The following COL6A6 variants were observed in gnomAD, a reference collection of about 807,000 sequenced individuals.
COL6A6 encodes the protein collagen alpha-6(VI) chain.
Under a neutral mutation model 208.6 loss-of-function variants are expected in COL6A6, and 183 were observed. The ratio of observed to expected loss-of-function variants is 0.88; its 90% confidence interval spans 0.78 to 0.99. The LOEUF is 0.99. Ranked by LOEUF, COL6A6 falls within the 50% of genes least tolerant of loss-of-function variation. COL6A6 has a pLI of 0.00. For missense variants in COL6A6, 2,816 were observed against 2,815.2 expected (o/e 1.00, Z -0.01); for synonymous variants, 973 against 1,011.8 (o/e 0.96, Z 0.73).
At chr3:130,635,078 T>C (rs150642759) in intron 27 of COL6A6, among the ~76,000 whole-genome samples, 1,854 of 151,840 alleles carry the variant, frequency 0.012, 28 homozygotes, top group Middle Eastern at 0.088. Context: ...CTACGAAAAA[T>C]ACAAAAATTA....
At chr3:130,655,425 C>T (rs765453497) in intron 33 of COL6A6, among the ~76,000 whole-genome samples, 13 of 152,138 alleles carry the variant, frequency 8.5e-5, no homozygotes, top group Non-Finnish European at 1.8e-4. Context: ...TAATTGGATG[C>T]AATCCTATTA....
In COL6A6 at chr3:130,582,060, G is replaced by A. The variant is rs760699998; in HGVS notation, c.3962G>A (p.Arg1321Lys). 32 of 1,589,840 alleles carry A rather than the reference G, an allele frequency of 2.0e-5. No individual in the cohort carries two copies. The highest frequency in any genetic ancestry group is 2.6e-5 in the Non-Finnish European group (30 of 1,162,652). Residue 1321 changes from arginine to lysine, a missense_variant, in exon 10 of 37, where the codon AGA becomes AAA. Physicochemically the swap from Arg to Lys is conservative, Grantham distance 26 (BLOSUM62 2). Transcript: ENST00000358511. ...EKLEQKSDELRKEGLNALITV... is the reference protein window; with the variant it reads ...EKLEQKSDELKKEGLNALITV... ...CTTGAACAAAAATCTGATGAACTTAGAAAAGAAGGTACTGAGTATGGAGAA... is the reference window on the plus strand; with the variant it reads ...CTTGAACAAAAATCTGATGAACTTAAAAAAGAAGGTACTGAGTATGGAGAA...
intron 33 of COL6A6, among the ~76,000 whole-genome samples, chr3:130,655,985 A>G (rs1158236427): frequency 6.6e-6 from 1 of 152,196 alleles, no homozygotes; most frequent in African/African-American, 2.4e-5. Context: ...CTGTGGCTGG[A>G]CCAGGTGTAC....
At chr3:130,589,263 A>G in intron 12 of COL6A6, 81 bp downstream of exon 12, 1 of 900,612 alleles carries the variant, frequency 1.1e-6, no homozygotes, top group East Asian at 2.6e-5. Flanking sequence ...ATAAGGGGTG[A>G]TTTTTAACTT....
chr3:130,547,151 G>A (rs1023547018), intron 1 of COL6A6, among the ~76,000 whole-genome samples: 16 of 152,264 alleles, frequency 1.1e-4, no homozygotes, highest in African/African-American at 3.9e-4. Flanking sequence ...CCACGAGGCA[G>A]CCGACTGCGG....
chr3:130,560,468 GA>G, intron 2 of COL6A6, 40 bp downstream of exon 2: 2 of 1,530,782 alleles, frequency 1.3e-6, no homozygotes, highest in Non-Finnish European at 1.8e-6. Flanking sequence ...TTTGATTATA[GA>G]AAATAGATAA....
rs1441105097 is a variant in COL6A6 at position 130,593,120 on chromosome 3, T to C, written c.4416+15T>C. 1.9e-6 allele frequency: 3 copies of C among 1,613,034 alleles called. No homozygotes were observed. The highest frequency in any genetic ancestry group is 2.5e-6 in the Non-Finnish European group (3 of 1,179,140). On this transcript the variant is annotated intron_variant, in intron 16 of 36. Transcript: ENST00000358511. ...ACGGAGAACAGGTAGAGCCTTCTTG[T>C]ACCATAGAGACCCTTCTGAGCTATT...
chr3:130,649,758 CTAT>C (rs111457529), intron 33 of COL6A6, among the ~76,000 whole-genome samples, 196 bp downstream of exon 33: 27,889 of 152,044 alleles, frequency 0.18, 2,950 homozygotes, highest in South Asian at 0.36. Flanking sequence ...GGGATAATGT[CTAT>C]TATTTACCTG....
At chr3:130,527,659 T>C (rs1181638765) in intron 1 of COL6A6, among the ~76,000 whole-genome samples, 2 of 152,244 alleles carry the variant, frequency 1.3e-5, no homozygotes, top group Non-Finnish European at 2.9e-5. Flanking sequence ...TATGGATATT[T>C]CATTTAATGA....
intron 1 of COL6A6, among the ~76,000 whole-genome samples, chr3:130,545,354 T>C (rs2062465095): frequency 6.6e-6 from 1 of 152,174 alleles, no homozygotes; most frequent in Non-Finnish European, 1.5e-5. Context: ...AAACTTTAAA[T>C]ATTTTATTCA....
chr3:130,536,535 T>C (rs6779200), intron 1 of COL6A6, among the ~76,000 whole-genome samples: 9,994 of 152,076 alleles, frequency 0.066, 1,108 homozygotes, highest in African/African-American at 0.23. Context: ...AGTAGACGGG[T>C]AGAGAAGGGG....
intron 9 of COL6A6, 40 bp from the exon 10 acceptor site, chr3:130,581,950 C>G (rs370478700): frequency 2.5e-6 from 4 of 1,582,898 alleles, no homozygotes; most frequent in Non-Finnish European, 3.5e-6. Context: ...TGCAATGAAC[C>G]CTTTTTAATT....
chr3:130,667,813 G>C (rs1231568903), intron 36 of COL6A6, among the ~76,000 whole-genome samples: 1 of 151,954 alleles, frequency 6.6e-6, no homozygotes, highest in Non-Finnish European at 1.5e-5. Context: ...GTCACAGGGA[G>C]ATAGATGGAG....
chr3:130,578,793 C>G (rs1251021233), intron 8 of COL6A6, among the ~76,000 whole-genome samples: 1 of 152,158 alleles, frequency 6.6e-6, no homozygotes, highest in Non-Finnish European at 1.5e-5. Context: ...CAGGGCCTCC[C>G]TAAGTTCACG....
intron 2 of COL6A6, among the ~76,000 whole-genome samples, chr3:130,562,278 G>T (rs147856056): frequency 3.3e-5 from 5 of 152,210 alleles, no homozygotes; most frequent in African/African-American, 1.2e-4. Flanking sequence ...AAGCTTTAAA[G>T]GTTAAGCAAA....
chr3:130,612,410 TTC>T (rs1283818575), intron 23 of COL6A6, among the ~76,000 whole-genome samples: 1 of 152,230 alleles, frequency 6.6e-6, no homozygotes, highest in Non-Finnish European at 1.5e-5. Flanking sequence ...TGTGCAAATG[TTC>T]TCTTTTCTCT....
intron 1 of COL6A6, among the ~76,000 whole-genome samples, chr3:130,525,446 A>G (rs946458153): frequency 2.4e-4 from 36 of 152,218 alleles, no homozygotes; most frequent in Admixed American, 9.8e-4. Context: ...AATTGACTTT[A>G]GTAAATATTT....
chr3:130,560,264 T>G (rs891254367), intron 1 of COL6A6, 70 bp from the exon 2 acceptor site: 2 of 906,850 alleles, frequency 2.2e-6, no homozygotes, highest in Admixed American at 5.2e-5. Flanking sequence ...TAATTTTGTA[T>G]GCTCTTGTAT....
Position 130,658,846 on chromosome 3 carries a change from G to A in COL6A6, c.5830+74G>A. The A allele has an allele frequency of 3.8e-6, 4 of 1,052,796 alleles. No individual in the cohort carries two copies. In the South Asian group the frequency reaches 5.4e-5, roughly 14 times the overall value. 65.2% of individuals were successfully genotyped at this position (1,052,796 alleles called of 1,614,324 possible). ...TGAGTCACCACTGGCAGGGGCAACT[G>A]GAACTTGGCAGCAGGGATACTTATG... On this transcript the variant is annotated intron_variant, in intron 34 of 36. Coordinates refer to ENST00000358511, the MANE Select transcript of COL6A6 (RefSeq NM_001102608.3).
Sources: allele counts gnomAD v4.1 joint callset (sites outside exome capture counted in the v4.1 genomes callset), GRCh38; gene constraint gnomAD v4.1.1; transcripts MANE v1.5; gene names NCBI Gene and HGNC (gene_info 2026-07-23, HGNC 2026-07-21).